Variants in NRXN3 observed in about 807,000 individuals in gnomAD.
NRXN3 encodes neurexin III.
Under a neutral mutation model 137.6 loss-of-function variants are expected in NRXN3, and 32 were observed. The observed-to-expected ratio is 0.23, with a 90% CI of 0.18 to 0.31. The LOEUF (loss-of-function observed/expected upper bound fraction) is 0.31. Among genes scored for constraint, NRXN3 ranks in the 10% least tolerant of loss-of-function variants. The pLI is 1.00. For synonymous variants in NRXN3, 798 were observed against 784.5 expected, an observed-to-expected ratio of 1.02 and a Z score of -0.29; for missense variants, 1,574 against 2,062.5, an observed-to-expected ratio of 0.76 and a Z score of 4.59.
At chr14:79,263,681 G>C (rs933805867) in intron 15 of NRXN3, among the ~76,000 whole-genome samples, 2 of 152,062 alleles carry the variant, frequency 1.3e-5, no homozygotes, top group African/African-American at 2.4e-5. Context: ...CAACATTTCT[G>C]GGTCACGAAG....
At chr14:79,263,279 T>C (rs2077918535) in intron 15 of NRXN3, among the ~76,000 whole-genome samples, 1 of 152,232 alleles carries the variant, frequency 6.6e-6, no homozygotes, top group South Asian at 2.1e-4. Context: ...CATATTTCTT[T>C]TAAAAGATTA....
chr14:79,655,474 CAT>C (rs1404541430), intron 16 of NRXN3, among the ~76,000 whole-genome samples: 2 of 152,200 alleles, frequency 1.3e-5, no homozygotes, highest in African/African-American at 4.8e-5. Flanking sequence ...GCTGTGCACT[CAT>C]GTGCATGTGT....
chr14:79,709,163 G>A (rs1385452130), intron 19 of NRXN3, among the ~76,000 whole-genome samples: 1 of 152,152 alleles, frequency 6.6e-6, no homozygotes, highest in East Asian at 1.9e-4. Context: ...CAAGCTCCCA[G>A]ATGATCTCAT....
intron 20 of NRXN3, among the ~76,000 whole-genome samples, chr14:79,828,987 A>G (rs932538799): frequency 1.1e-4 from 16 of 152,186 alleles, no homozygotes; most frequent in South Asian, 2.1e-4. Context: ...AATTTACACA[A>G]TTCCACACTT....
At chr14:78,310,076 A>G (rs1019755379) in intron 4 of NRXN3, among the ~76,000 whole-genome samples, 1 of 152,118 alleles carries the variant, frequency 6.6e-6, no homozygotes. Flanking sequence ...TATAGTGAGC[A>G]TAAACAATAC....
intron 4 of NRXN3, among the ~76,000 whole-genome samples, chr14:78,532,490 G>A (rs1422616865): frequency 6.7e-6 from 1 of 149,864 alleles, no homozygotes; most frequent in Non-Finnish European, 1.5e-5. Context: ...TTCAGGTTTA[G>A]AGATGACTTC....
chr14:79,416,725 A>G (rs1934676570), intron 15 of NRXN3, among the ~76,000 whole-genome samples: 1 of 152,110 alleles, frequency 6.6e-6, no homozygotes. Flanking sequence ...TAAATCTAAT[A>G]TATGTCTATA....
chr14:78,814,129 G>C (rs951222962), intron 10 of NRXN3, among the ~76,000 whole-genome samples: 7 of 152,260 alleles, frequency 4.6e-5, no homozygotes, highest in Middle Eastern at 3.4e-3. Flanking sequence ...ATATATTACA[G>C]AGTGTGTAAA....
intron 15 of NRXN3, among the ~76,000 whole-genome samples, chr14:79,448,080 T>C (rs2096094559): frequency 6.6e-6 from 1 of 152,246 alleles, no homozygotes; most frequent in Non-Finnish European, 1.5e-5. Flanking sequence ...CTCTGTCTTC[T>C]GCTATCATTT....
intron 4 of NRXN3, among the ~76,000 whole-genome samples, chr14:78,604,055 G>T (rs556467844): frequency 6.6e-6 from 1 of 152,262 alleles, no homozygotes; most frequent in Non-Finnish European, 1.5e-5. Flanking sequence ...AAGAGCAAAG[G>T]GATGTCTTAC....
At chr14:78,787,848 C>T (rs1057423821) in intron 8 of NRXN3, among the ~76,000 whole-genome samples, 4 of 152,146 alleles carry the variant, frequency 2.6e-5, no homozygotes, top group Non-Finnish European at 5.9e-5. Context: ...TGAATGCAAT[C>T]TCTACCATGA....
intron 15 of NRXN3, among the ~76,000 whole-genome samples, chr14:78,990,188 T>C (rs2099515668): frequency 2.0e-5 from 3 of 152,138 alleles, no homozygotes; most frequent in Admixed American, 6.6e-5. Context: ...TTTAGGGCAA[T>C]ACATTTTGAA....
chr14:79,749,519 G>A (rs1258491605), intron 19 of NRXN3, among the ~76,000 whole-genome samples: 1 of 150,876 alleles, frequency 6.6e-6, no homozygotes, highest in African/African-American at 2.4e-5. Flanking sequence ...CTCCAGCCTT[G>A]GCCTCCCAAA....
At chr14:79,275,296 G>C (rs1451458441) in intron 15 of NRXN3, among the ~76,000 whole-genome samples, 1 of 152,020 alleles carries the variant, frequency 6.6e-6, no homozygotes, top group African/African-American at 2.4e-5. Flanking sequence ...TAGAAAGTAA[G>C]GATCTCTACT....
intron 15 of NRXN3, among the ~76,000 whole-genome samples, chr14:79,309,839 G>T (rs1018353121): frequency 7.4e-6 from 1 of 135,178 alleles, no homozygotes; most frequent in African/African-American, 3.1e-5. Flanking sequence ...TTAGCCCTTT[G>T]TCAGATGAGT....
chr14:78,771,888 C>G (rs1212405647), intron 8 of NRXN3, among the ~76,000 whole-genome samples: 1 of 152,076 alleles, frequency 6.6e-6, no homozygotes, highest in African/African-American at 2.4e-5. Flanking sequence ...ATCTAAAATG[C>G]CTGGGACCAG....
intron 16 of NRXN3, among the ~76,000 whole-genome samples, chr14:79,532,305 T>G (rs1368153896): frequency 6.6e-6 from 1 of 152,208 alleles, no homozygotes; most frequent in East Asian, 1.9e-4. Context: ...GATAATTAAA[T>G]TTCATATATA....
At chr14:79,380,318 G>A (rs2094433837) in intron 15 of NRXN3, among the ~76,000 whole-genome samples, 1 of 151,734 alleles carries the variant, frequency 6.6e-6, no homozygotes, top group African/African-American at 2.4e-5. Context: ...TTTAGCATTA[G>A]TTATATCTCC....
intron 16 of NRXN3, among the ~76,000 whole-genome samples, chr14:79,661,243 C>T (rs996762629): frequency 6.6e-6 from 1 of 151,938 alleles, no homozygotes; most frequent in Non-Finnish European, 1.5e-5. Flanking sequence ...TTGGGAGGTA[C>T]CTGGAACTCT....
Sources: gnomAD v4.1 joint callset for allele counts (sites outside exome capture counted in the v4.1 genomes callset) on GRCh38, gnomAD v4.1.1 for gene constraint, MANE v1.5 for transcripts, NCBI Gene and HGNC (gene_info 2026-07-23, HGNC 2026-07-21) for gene names.